Variants in TMEM26 observed in about 807,000 individuals in gnomAD.
The protein encoded by TMEM26 is transmembrane protein 26.
TMEM26 carries 38 observed loss-of-function variants against 28.8 expected under a neutral mutation model. That is an observed-to-expected ratio of 1.32 (90% CI 1.02 to 1.73). The LOEUF (loss-of-function observed/expected upper bound fraction) is 1.73. TMEM26 is among the 40% of genes most tolerant of loss of function. TMEM26 has a pLI of 0.00. For missense variants in TMEM26, 518 were observed against 447.1 expected, an observed-to-expected ratio of 1.16 and a Z score of -1.43; for synonymous variants, 227 against 182.9, an observed-to-expected ratio of 1.24 and a Z score of -1.95.
chr10:61,449,051 G>C (rs946230556), intron 1 of TMEM26, among the ~76,000 whole-genome samples: 3 of 152,066 alleles, frequency 2.0e-5, no homozygotes, highest in Middle Eastern at 6.8e-3. Context: ...TTGTTGCCCA[G>C]ACAATAGAAA....
chr10:61,426,474 A>G (rs1271724953), intron 4 of TMEM26, among the ~76,000 whole-genome samples: 2 of 152,162 alleles, frequency 1.3e-5, no homozygotes, highest in Non-Finnish European at 2.9e-5. Context: ...TTACAAAGCT[A>G]TGTAAATCCA....
Position 61,410,735 on chromosome 10 carries a change from CA to C in TMEM26, c.693del (p.Val232CysfsTer6). 6.2e-7 allele frequency: 1 copy of C among 1,613,938 alleles called. No homozygotes were observed. The highest frequency in any genetic ancestry group is 8.5e-7 in the Non-Finnish European group (1 of 1,179,944). On this transcript the variant is annotated frameshift_variant, in exon 6 of 6. Transcript: ENST00000399298. LOFTEE classifies it low-confidence loss of function (END_TRUNC). ...QFPLDLAVQN[V>X]VCPVSVTERG... ...CTCTCTGTCACAGACACAGGGCACA[CA>C]ACGTTCTGTACTGAAAACACAAGAC...
intron 3 of TMEM26, among the ~76,000 whole-genome samples, chr10:61,430,762 G>A (rs552087033): frequency 2.6e-5 from 4 of 152,084 alleles, no homozygotes; most frequent in East Asian, 3.9e-4. Context: ...GTTAACAAAC[G>A]CACCACTGTG....
chr10:61,436,241 G>C lies in TMEM26; in HGVS notation c.199C>G (p.Pro67Ala). Residue 67 changes from proline (P) to alanine (A), a missense_variant, in exon 2 of 6, where the codon CCA becomes GCA. Pro to Ala is a conservative substitution (Grantham distance 27). Coordinates refer to ENST00000399298, the MANE Select transcript of TMEM26 (RefSeq NM_178505.8). ...KRGRGYKWFS[P>A]AIFLYLISIV... is the part of the protein sequence containing the mutation. ...CTAATCAGATATAAAAATATGGCTGGTGAAAACCTGTGAAAAGAGAGAAGA... is the reference window on the plus strand; with the variant it reads ...CTAATCAGATATAAAAATATGGCTGCTGAAAACCTGTGAAAAGAGAGAAGA... 6.3e-7 allele frequency: 1 copy of C among 1,581,898 alleles called. No homozygotes were observed.
At chr10:61,411,706 GA>G (rs1403605211) in intron 5 of TMEM26, among the ~76,000 whole-genome samples, 1 of 152,160 alleles carries the variant, frequency 6.6e-6, no homozygotes, top group Non-Finnish European at 1.5e-5. Context: ...GCAATCAACA[GA>G]AGAACCTTTG....
At chr10:61,438,010 A>C (rs1050407607) in intron 1 of TMEM26, among the ~76,000 whole-genome samples, 2 of 152,210 alleles carry the variant, frequency 1.3e-5, no homozygotes, top group African/African-American at 4.8e-5. Flanking sequence ...TTCAGGAGAG[A>C]AAAGTGAAAT....
At position 61,409,642 on chromosome 10, in the gene TMEM26, G is replaced by A. The variant is rs1044307251; in HGVS notation, c.*680C>T. On this transcript the variant is annotated 3_prime_UTR_variant, in exon 6 of 6. Coordinates refer to ENST00000399298, the MANE Select transcript of TMEM26 (RefSeq NM_178505.8). Reference sequence around the variant, plus strand: ...TTCCTGCCTTGCAACCAGTAGATATGTAACCAAAATGGCTTGCTGTGAATT... The same window carrying A: ...TTCCTGCCTTGCAACCAGTAGATATATAACCAAAATGGCTTGCTGTGAATT... 6.6e-6 allele frequency: 1 copy of A among 152,232 alleles called. No individual in the cohort carries two copies. The highest frequency in any genetic ancestry group is 2.4e-5 in the African/African-American group (1 of 41,440). 9.4% of individuals were successfully genotyped at this position (152,232 alleles called of 1,614,324 possible).
At chr10:61,413,174 C>A (rs2135286009) in intron 5 of TMEM26, among the ~76,000 whole-genome samples, 1 of 152,186 alleles carries the variant, frequency 6.6e-6, no homozygotes, top group South Asian at 2.1e-4. Flanking sequence ...GATGTATTAC[C>A]TGGTTTGCAG....
At chr10:61,427,006 G>A (rs1474865301) in intron 4 of TMEM26, among the ~76,000 whole-genome samples, 1 of 151,880 alleles carries the variant, frequency 6.6e-6, no homozygotes, top group Non-Finnish European at 1.5e-5. Flanking sequence ...GAGTAATAGA[G>A]GCACATAGAA....
chr10:61,420,230 A>G (rs537192173), intron 4 of TMEM26, among the ~76,000 whole-genome samples: 1 of 152,196 alleles, frequency 6.6e-6, no homozygotes, highest in Non-Finnish European at 1.5e-5. Context: ...TGTATTTACT[A>G]TTCATTAGTG....
chr10:61,436,042 C>T, intron 2 of TMEM26, 128 bp downstream of exon 2: 1 of 456,198 alleles, frequency 2.2e-6, no homozygotes, highest in Non-Finnish European at 3.8e-6. Flanking sequence ...TTGCTGATAG[C>T]CTCTTATTTA....
Position 61,429,106 on chromosome 10 carries a change from T to G in TMEM26, c.425A>C (p.Lys142Thr). 1 of 1,613,232 alleles carries G rather than the reference T, an allele frequency of 6.2e-7. No individual in the cohort carries two copies. Among genetic ancestry groups the G allele is most frequent in the Non-Finnish European group, 8.5e-7 (1 of 1,179,424 alleles). The stretch of plus-strand genomic sequence containing the variant: ...CTGATGGAGTCCCAATGTCCAAACT[T>G]TCTCACATACTGTAGATAAGTTATT... ...FVNNLSTVCE[K>T]VWTLGLHQTF... Residue 142 changes from lysine (K) to threonine (T), a missense_variant, in exon 4 of 6, where the codon AAA (lysine) becomes ACA (threonine). By Grantham distance (78) the Lys-to-Thr change is moderately conservative. Coordinates refer to ENST00000399298, the MANE Select transcript of TMEM26 (RefSeq NM_178505.8).
chr10:61,431,953 G>T (rs1229619263), intron 2 of TMEM26, among the ~76,000 whole-genome samples: 1 of 151,858 alleles, frequency 6.6e-6, no homozygotes, highest in Non-Finnish European at 1.5e-5. Flanking sequence ...TCAGTTTTTA[G>T]CTCCCACTTA....
rs1341836177 is a variant in TMEM26 at position 61,413,631 on chromosome 10, C to T, written c.606-96G>A. ...AGTTTTTTAGTATATTCCTAATAAA[C>T]CTCTTGTGGCCAAAATATCTTGGTG... On this transcript the variant is annotated intron_variant, in intron 4 of 5. Transcript: ENST00000399298. 3.7e-6 allele frequency: 5 copies of T among 1,363,940 alleles called. No homozygotes were observed. The Admixed American group carries it at 1.3e-4, about 35-fold the overall frequency. The allele number at this position is 1,363,940 out of a possible 1,614,324, so 84.5% of individuals were successfully genotyped here.
At chr10:61,410,825 T>G in intron 5 of TMEM26, 79 bp from the exon 6 acceptor site, 3 of 1,344,474 alleles carry the variant, frequency 2.2e-6, no homozygotes, top group Non-Finnish European at 3.1e-6. Context: ...GACGAGTCAT[T>G]AACAATGGGG....
intron 4 of TMEM26, chr10:61,413,769 C>T (rs1839607761): frequency 8.5e-7 from 1 of 1,176,206 alleles, no homozygotes; most frequent in African/African-American, 1.6e-5. Context: ...TATGACAAAG[C>T]CTCTTGGTCC....
intron 4 of TMEM26, among the ~76,000 whole-genome samples, chr10:61,419,116 G>A (rs928932929): frequency 4.6e-5 from 7 of 152,074 alleles, no homozygotes; most frequent in Admixed American, 1.3e-4. Context: ...AACCCAAGGA[G>A]AGATACATTC....
At chr10:61,451,050 C>T (rs759108770) in intron 1 of TMEM26, among the ~76,000 whole-genome samples, 48 of 152,304 alleles carry the variant, frequency 3.2e-4, no homozygotes, top group Middle Eastern at 6.8e-3. Flanking sequence ...CAAGGTCTGA[C>T]AGCAAGTAGG....
At chr10:61,422,762 T>C (rs893955255) in intron 4 of TMEM26, among the ~76,000 whole-genome samples, 1 of 150,916 alleles carries the variant, frequency 6.6e-6, no homozygotes, top group Non-Finnish European at 1.5e-5. Flanking sequence ...CTGAAGAAAT[T>C]AGAAAAAAAA....
Sources: gnomAD v4.1 joint callset for allele counts (sites outside exome capture counted in the v4.1 genomes callset) on GRCh38, gnomAD v4.1.1 for gene constraint, MANE v1.5 for transcripts, NCBI Gene and HGNC (gene_info 2026-07-23, HGNC 2026-07-21) for gene names.